The following ANK2 variants were observed in gnomAD, a reference collection of about 807,000 sequenced individuals.
ANK2 encodes the protein ankyrin 2.
Under a neutral mutation model 360.5 loss-of-function variants are expected in ANK2, and 83 were observed. That is an observed-to-expected ratio of 0.23 (90% CI 0.19 to 0.28). The LOEUF (loss-of-function observed/expected upper bound fraction) is 0.28. Ranked by LOEUF, ANK2 falls within the 10% of genes least tolerant of loss-of-function variation. ANK2 has a pLI of 1.00. For synonymous variants in ANK2, 1,740 were observed against 1,759.5 expected, an observed-to-expected ratio of 0.99 and a Z score of 0.28; for missense variants, 4,201 against 4,795.7, an observed-to-expected ratio of 0.88 and a Z score of 3.66.
chr4:113,064,838 C>A (rs1477123292), intron 1 of ANK2, among the ~76,000 whole-genome samples: 984 of 2,470 alleles, frequency 0.4, 30 homozygotes, highest in Middle Eastern at 0.5. Flanking sequence ...TTCTGTAGAA[C>A]TTCTAACAAA....
At chr4:112,890,767 A>T (rs892731787) in intron 1 of ANK2, among the ~76,000 whole-genome samples, 1 of 151,592 alleles carries the variant, frequency 6.6e-6, no homozygotes, top group Non-Finnish European at 1.5e-5. Flanking sequence ...GGGTTTTTCC[A>T]TGTTGGTCAG....
intron 1 of ANK2, among the ~76,000 whole-genome samples, chr4:112,842,023 T>C (rs1000739754): frequency 6.6e-6 from 1 of 152,174 alleles, no homozygotes; most frequent in African/African-American, 2.4e-5. Context: ...TTCTTTTTTT[T>C]TTGAGATGGA....
At chr4:113,290,860 G>T (rs1422446841) in intron 20 of ANK2, among the ~76,000 whole-genome samples, 1 of 152,112 alleles carries the variant, frequency 6.6e-6, no homozygotes, top group Non-Finnish European at 1.5e-5. Context: ...AGCCAGATGG[G>T]CCTATGACAG....
chr4:112,806,168 T>C, the ANK2 span, among the ~76,000 whole-genome samples: 1 of 152,206 alleles, frequency 6.6e-6, no homozygotes, highest in Non-Finnish European at 1.5e-5. Context: ...TCTCTAAATA[T>C]ATTTTTGCAC....
At chr4:113,125,280 G>T (rs1356291648) in intron 1 of ANK2, among the ~76,000 whole-genome samples, 4 of 151,962 alleles carry the variant, frequency 2.6e-5, no homozygotes, top group African/African-American at 9.7e-5. Context: ...AATAAATAAT[G>T]TTAACCTCAC....
chr4:112,775,544 C>CACACACACACACACAA, the ANK2 span, among the ~76,000 whole-genome samples: 1 of 151,332 alleles, frequency 6.6e-6, no homozygotes, highest in Non-Finnish European at 1.5e-5. Context: ...CACACACACA[C>CACACACACACACACAA]AAGAAAAAAA....
At chr4:113,285,527 A>C (rs181691373) in intron 18 of ANK2, among the ~76,000 whole-genome samples, 1 of 152,328 alleles carries the variant, frequency 6.6e-6, no homozygotes, top group Non-Finnish European at 1.5e-5. Flanking sequence ...ACAGTTTCTT[A>C]TAAAGGCTAT....
rs2061062825 is a variant in ANK2 at position 113,278,477 on chromosome 4, C to T, written c.1800C>T (p.Leu600=). 1.2e-6 allele frequency: 2 copies of T among 1,613,856 alleles called. No individual in the cohort carries two copies. Among genetic ancestry groups the T allele is most frequent in the Admixed American group, 1.7e-5 (1 of 59,988 alleles). Residue 600 remains leucine (L), a synonymous_variant, in exon 17 of 46, where the codon CTC becomes CTT. Transcript: ENST00000357077. ...DSAGKNGLTP[L]HVAAHYDNQK... ...CTTTACAGAACGGCCTTACCCCGCT[C>T]CATGTTGCTGCTCATTATGACAACC...
At chr4:112,948,524 A>C (rs1021386607) in intron 2 of ANK2, among the ~76,000 whole-genome samples, 5 of 152,206 alleles carry the variant, frequency 3.3e-5, no homozygotes, top group Admixed American at 3.3e-4. Flanking sequence ...CAATTACATC[A>C]TAAATGAGTA....
intron 2 of ANK2, among the ~76,000 whole-genome samples, chr4:112,936,424 C>T (rs2093725176): frequency 6.6e-6 from 1 of 151,882 alleles, no homozygotes; most frequent in Non-Finnish European, 1.5e-5. Context: ...CAGCTCACTG[C>T]AGCCTCCGCC....
the ANK2 span, among the ~76,000 whole-genome samples, chr4:112,724,210 G>A: frequency 2.0e-5 from 3 of 151,932 alleles, no homozygotes; most frequent in Non-Finnish European, 4.4e-5. Context: ...GACTACAGGC[G>A]CATGCCACCA....
intron 1 of ANK2, among the ~76,000 whole-genome samples, chr4:113,070,636 C>G (rs2279894): frequency 0.35 from 52,875 of 151,738 alleles, 11,320 homozygotes; most frequent in Non-Finnish European, 0.47. Flanking sequence ...ACTTTGGAAC[C>G]AACCAATCCA....
At chr4:113,186,673 T>C (rs1180576366) in intron 2 of ANK2, among the ~76,000 whole-genome samples, 4 of 151,946 alleles carry the variant, frequency 2.6e-5, no homozygotes, top group African/African-American at 9.7e-5. Flanking sequence ...TGATCTCTAG[T>C]CTTTTCAAGG....
Position 113,357,475 on chromosome 4 carries a change from A to G in ANK2, c.8857A>G (p.Ser2953Gly), listed in dbSNP as rs1171679481. The change falls in exon 38 of 46, where the codon AGT becomes GGT. Residue 2953 changes from serine (S) to glycine (G), a missense_variant. Around this residue, in one of 4 missense-constraint regions of ANK2, gnomAD observed 2,642 missense variants for 2,714.5 expected, o/e 0.97. Coordinates refer to ENST00000357077, the MANE Select transcript of ANK2 (RefSeq NM_001148.6). ...KTQTDANHTT[S>G]FHSSEVYSVT... Reference sequence around the variant, plus strand: ...CCAAACAGATGCAAATCACACCACAAGTTTTCACTCTTCTGAAGTGTATTC... The same window carrying G: ...CCAAACAGATGCAAATCACACCACAGGTTTTCACTCTTCTGAAGTGTATTC... 8 of 1,613,980 alleles carry G rather than the reference A, an allele frequency of 5.0e-6. No individual in the cohort carries two copies. Among genetic ancestry groups the G allele is most frequent in the Non-Finnish European group, 6.8e-6 (8 of 1,179,986 alleles).
the ANK2 span, among the ~76,000 whole-genome samples, chr4:112,715,425 T>C: frequency 6.6e-6 from 1 of 152,162 alleles, no homozygotes; most frequent in Non-Finnish European, 1.5e-5. Context: ...GGGAGGGATA[T>C]TGGCCACCTT....
chr4:112,795,550 C>T, the ANK2 span, among the ~76,000 whole-genome samples: 3 of 152,182 alleles, frequency 2.0e-5, no homozygotes, highest in African/African-American at 7.2e-5. Context: ...GTCCCTCAGG[C>T]TGGAGTACAG....
chr4:113,199,769 T>A (rs576580433), intron 4 of ANK2, among the ~76,000 whole-genome samples: 3 of 152,264 alleles, frequency 2.0e-5, no homozygotes, highest in South Asian at 2.1e-4. Flanking sequence ...TATAATAAAA[T>A]TCATTCTCTC....
At chr4:112,895,919 T>C (rs2081597077) in intron 1 of ANK2, among the ~76,000 whole-genome samples, 1 of 152,236 alleles carries the variant, frequency 6.6e-6, no homozygotes, top group Admixed American at 6.5e-5. Context: ...AAACTGTCTG[T>C]GATTCAGCGT....
intron 1 of ANK2, chr4:112,881,579 C>CTAA (rs1185904494): frequency 3.6e-6 from 1 of 280,252 alleles, no homozygotes; most frequent in Non-Finnish European, 6.6e-6. Flanking sequence ...CAGACTATTA[C>CTAA]ATTTAGCAAT....
Sources: gnomAD v4.1 joint callset for allele counts (sites outside exome capture counted in the v4.1 genomes callset) on GRCh38, gnomAD v4.1.1 for gene constraint, gnomAD v4.1.1 regional missense constraint, MANE v1.5 for transcripts, NCBI Gene and HGNC (gene_info 2026-07-23, HGNC 2026-07-21) for gene names.